Variants in TCF7L1 observed in about 807,000 individuals in gnomAD.
TCF7L1 encodes the protein transcription factor 7-like 1.
In TCF7L1, 18 loss-of-function variants were observed where a neutral mutation model predicts 63.7. The ratio of observed to expected loss-of-function variants is 0.28; its 90% CI spans 0.20 to 0.42. The LOEUF (loss-of-function observed/expected upper bound fraction) is 0.42. TCF7L1 is among the 10% of genes least tolerant of loss of function. The pLI, the probability that TCF7L1 is intolerant of heterozygous loss-of-function variation, is 1.00. For synonymous variants in TCF7L1, 355 were observed against 340.9 expected (o/e 1.04, Z -0.46); for missense variants, 654 against 779.3 (o/e 0.84, Z 1.91).
chr2:85,255,023 G>A (rs998661176), intron 3 of TCF7L1, among the ~76,000 whole-genome samples: 3 of 152,162 alleles, frequency 2.0e-5, no homozygotes, highest in Non-Finnish European at 4.4e-5. Context: ...GGTGGAAACT[G>A]TAGCCAGACA....
chr2:85,152,512 G>A (rs1678041061), intron 3 of TCF7L1, among the ~76,000 whole-genome samples: 1 of 143,512 alleles, frequency 7.0e-6, no homozygotes, highest in Non-Finnish European at 1.5e-5. Flanking sequence ...TTGGCTCACT[G>A]CAACCCCAGC....
At chr2:85,144,269 G>A (rs1052518128) in intron 3 of TCF7L1, among the ~76,000 whole-genome samples, 15 of 152,126 alleles carry the variant, frequency 9.9e-5, no homozygotes, top group Middle Eastern at 3.4e-3. Context: ...CTATTTCAGC[G>A]TTAATTGACC....
At chr2:85,273,158 T>A (rs1336754766) in intron 3 of TCF7L1, among the ~76,000 whole-genome samples, 1 of 152,082 alleles carries the variant, frequency 6.6e-6, no homozygotes, top group African/African-American at 2.4e-5. Flanking sequence ...TCCTCCCACC[T>A]CCTCCTCACT....
intron 3 of TCF7L1, among the ~76,000 whole-genome samples, chr2:85,157,706 G>A (rs753868814): frequency 6.6e-6 from 1 of 152,254 alleles, no homozygotes; most frequent in Non-Finnish European, 1.5e-5. Context: ...CTGAGCTATT[G>A]AACCCATGGG....
At chr2:85,165,934 G>T (rs1261443094) in intron 3 of TCF7L1, among the ~76,000 whole-genome samples, 1 of 152,028 alleles carries the variant, frequency 6.6e-6, no homozygotes, top group Non-Finnish European at 1.5e-5. Context: ...TTCATGTTTT[G>T]TGTGTGTGTG....
chr2:85,145,306 G>A (rs1410082163), intron 3 of TCF7L1, among the ~76,000 whole-genome samples: 3 of 152,158 alleles, frequency 2.0e-5, no homozygotes, highest in Non-Finnish European at 2.9e-5. Context: ...ATGTAGGAAT[G>A]TCCATAGAGA....
intron 3 of TCF7L1, among the ~76,000 whole-genome samples, chr2:85,192,799 C>T (rs577458254): frequency 2.0e-5 from 3 of 151,880 alleles, no homozygotes; most frequent in South Asian, 2.1e-4. Flanking sequence ...CTCAGCCTCC[C>T]GAGTAAGTGG....
intron 3 of TCF7L1, among the ~76,000 whole-genome samples, chr2:85,222,075 C>T (rs147409423): frequency 4.0e-4 from 61 of 152,284 alleles, no homozygotes; most frequent in African/African-American, 1.4e-3. Flanking sequence ...GATGCGGTGG[C>T]TCATGCCTAT....
intron 3 of TCF7L1, among the ~76,000 whole-genome samples, chr2:85,170,315 C>A (rs529232860): frequency 6.6e-6 from 1 of 152,120 alleles, no homozygotes; most frequent in Non-Finnish European, 1.5e-5. Context: ...AGCAATCTCA[C>A]TTTGTAAAAT....
chr2:85,290,958 C>T (rs754761025), intron 4 of TCF7L1, among the ~76,000 whole-genome samples: 27 of 152,268 alleles, frequency 1.8e-4, no homozygotes, highest in Non-Finnish European at 3.7e-4. Flanking sequence ...TGAATCCCCT[C>T]TTGGGGTCAT....
At chr2:85,273,250 C>T (rs1251825299) in intron 3 of TCF7L1, among the ~76,000 whole-genome samples, 2 of 152,218 alleles carry the variant, frequency 1.3e-5, no homozygotes, top group African/African-American at 2.4e-5. Context: ...GGAGAGGTTG[C>T]ACAGGCTGTG....
chr2:85,268,731 C>T (rs1245538548), intron 3 of TCF7L1, among the ~76,000 whole-genome samples: 5 of 150,930 alleles, frequency 3.3e-5, no homozygotes, highest in East Asian at 2.0e-4. Flanking sequence ...CGTCAGCCAC[C>T]GTGCCCAGCC....
At chr2:85,298,360 G>T (rs1373908736) in intron 4 of TCF7L1, among the ~76,000 whole-genome samples, 1 of 150,782 alleles carries the variant, frequency 6.6e-6, no homozygotes, top group Non-Finnish European at 1.5e-5. Context: ...GCATGGTGGC[G>T]GGTGCACGTA....
intron 4 of TCF7L1, among the ~76,000 whole-genome samples, chr2:85,296,547 A>G (rs1681842941): frequency 6.6e-6 from 1 of 152,154 alleles, no homozygotes; most frequent in Non-Finnish European, 1.5e-5. Context: ...TTCCCTTTGT[A>G]ATTAATAAGT....
At chr2:85,149,228 A>G (rs1434397726) in intron 3 of TCF7L1, among the ~76,000 whole-genome samples, 1 of 151,282 alleles carries the variant, frequency 6.6e-6, no homozygotes, top group African/African-American at 2.5e-5. Context: ...CTTTAACATA[A>G]TTGCCAGTTT....
chr2:85,163,735 T>A (rs978312561), intron 3 of TCF7L1, among the ~76,000 whole-genome samples: 3 of 152,122 alleles, frequency 2.0e-5, no homozygotes, highest in African/African-American at 7.2e-5. Flanking sequence ...TCTGAGGCTG[T>A]GCGGGAGGGA....
At chr2:85,230,025 T>C (rs959344559) in intron 3 of TCF7L1, among the ~76,000 whole-genome samples, 1 of 152,144 alleles carries the variant, frequency 6.6e-6, no homozygotes, top group African/African-American at 2.4e-5. Flanking sequence ...ATAAATTAAA[T>C]GTTGGTCCAC....
intron 3 of TCF7L1, among the ~76,000 whole-genome samples, chr2:85,154,768 A>G (rs59140339): frequency 0.027 from 4,162 of 152,156 alleles, 173 homozygotes; most frequent in African/African-American, 0.094. Context: ...CACCAGATAT[A>G]AGGAAGGCCG....
intron 3 of TCF7L1, among the ~76,000 whole-genome samples, chr2:85,175,038 G>A (rs1678645506): frequency 6.6e-6 from 1 of 152,234 alleles, no homozygotes; most frequent in African/African-American, 2.4e-5. Context: ...AACCCTCACT[G>A]TAACATGGCA....
Sources: gnomAD v4.1 joint callset for allele counts (sites outside exome capture counted in the v4.1 genomes callset) on GRCh38, gnomAD v4.1.1 for gene constraint, MANE v1.5 for transcripts, NCBI Gene and HGNC (gene_info 2026-07-23, HGNC 2026-07-21) for gene names.